The following RALGAPA2 variants were observed in gnomAD, a reference collection of about 807,000 sequenced individuals.
RALGAPA2 encodes Ral GTPase activating protein catalytic subunit alpha 2, also known as ral GTPase-activating protein subunit alpha-2.
A neutral mutation model predicts 230.4 loss-of-function variants in RALGAPA2; 139 were observed. That is an observed-to-expected ratio of 0.60 (90% CI 0.53 to 0.69). The LOEUF is 0.69. RALGAPA2 is among the 30% of genes least tolerant of loss of function. The pLI is 0.00. For missense variants in RALGAPA2, 2,163 were observed against 2,276.0 expected (o/e 0.95, Z 1.01); for synonymous variants, 847 against 837.8 (o/e 1.01, Z -0.19).
In RALGAPA2 at chr20:20,396,777, A is replaced by G. The variant is rs772370010; in HGVS notation, c.5618-43T>C. ...AAAATGGAATGAATACAAACACAAC[A>G]CCCCCACAGCTCCAACTTGATAACT... On this transcript the variant is annotated intron_variant, in intron 38 of 39. Transcript: ENST00000202677. 5 of 1,469,660 alleles carry G rather than the reference A, an allele frequency of 3.4e-6. No homozygotes were observed. The Admixed American group carries it at 8.5e-5, about 25-fold the overall frequency. The allele number at this position is 1,469,660 out of a possible 1,614,324, so 91.0% of individuals were successfully genotyped here. A position where few individuals can be genotyped will look rare whatever the true frequency, so the allele number is the denominator to read the frequency against.
chr20:20,698,442 T>C (rs892067778), intron 1 of RALGAPA2, among the ~76,000 whole-genome samples: 1 of 152,044 alleles, frequency 6.6e-6, no homozygotes, highest in African/African-American at 2.4e-5. Context: ...CAGACTGGAG[T>C]GTGGTGGCAC....
chr20:20,588,501 G>C (rs548693638), intron 18 of RALGAPA2, among the ~76,000 whole-genome samples: 3 of 152,210 alleles, frequency 2.0e-5, no homozygotes, highest in Non-Finnish European at 4.4e-5. Flanking sequence ...CTCTCTGAGG[G>C]GAGATAGCAG....
intron 37 of RALGAPA2, among the ~76,000 whole-genome samples, chr20:20,445,515 T>A (rs542028542): frequency 1.1e-4 from 16 of 152,284 alleles, no homozygotes; most frequent in East Asian, 3.9e-4. Context: ...CTAGTCCACA[T>A]CACTCAGAAA....
At chr20:20,664,522 G>A (rs146323918) in intron 3 of RALGAPA2, among the ~76,000 whole-genome samples, 1 of 152,244 alleles carries the variant, frequency 6.6e-6, no homozygotes, top group East Asian at 1.9e-4. Flanking sequence ...GATTCAAAAG[G>A]AGTCTTCTTC....
intron 37 of RALGAPA2, among the ~76,000 whole-genome samples, chr20:20,463,933 T>C (rs919920372): frequency 2.0e-5 from 3 of 152,198 alleles, no homozygotes; most frequent in African/African-American, 7.2e-5. Context: ...AAAATGTATT[T>C]GGGAACAACA....
At position 20,391,930 on chromosome 20, in the gene RALGAPA2, G is replaced by C. The variant is rs2059609806; in HGVS notation, c.*1359C>G. The stretch of plus-strand genomic sequence containing the variant: ...GTTGCTCTGTACCTGGCCGCTGTGA[G>C]AACAAAGCCTGCGCAGTGGCGATGG... On this transcript the variant is annotated 3_prime_UTR_variant, in exon 40 of 40. Transcript: ENST00000202677. 6.6e-6 allele frequency: 1 copy of C among 152,392 alleles called. No homozygotes were observed. The allele number at this position is 152,392 out of a possible 1,614,324, so 9.4% of individuals were successfully genotyped here.
intron 1 of RALGAPA2, among the ~76,000 whole-genome samples, chr20:20,702,388 A>G (rs1352750505): frequency 1.3e-5 from 2 of 152,168 alleles, no homozygotes; most frequent in African/African-American, 4.8e-5. Context: ...CAGGGAGAGG[A>G]TTTAGACCAC....
intron 11 of RALGAPA2, among the ~76,000 whole-genome samples, 169 bp downstream of exon 11, chr20:20,620,294 A>G (rs2066280747): frequency 6.6e-6 from 1 of 152,174 alleles, no homozygotes; most frequent in Admixed American, 6.5e-5. Context: ...GGAGTACAGA[A>G]GCTACTCTCC....
intron 4 of RALGAPA2, among the ~76,000 whole-genome samples, chr20:20,652,713 G>C (rs2067446769): frequency 6.6e-6 from 1 of 152,192 alleles, no homozygotes; most frequent in African/African-American, 2.4e-5. Context: ...CAGAATTCAC[G>C]ATTGATTTCC....
chr20:20,553,990 GCTTCAAGA>G (rs2064004300), intron 23 of RALGAPA2, among the ~76,000 whole-genome samples: 1 of 152,076 alleles, frequency 6.6e-6, no homozygotes, highest in Non-Finnish European at 1.5e-5. Context: ...CTTGGTAACA[GCTTCAAGA>G]TATATATTCA....
chr20:20,608,709 G>A (rs976396907), intron 14 of RALGAPA2, among the ~76,000 whole-genome samples: 21 of 152,294 alleles, frequency 1.4e-4, no homozygotes, highest in African/African-American at 4.8e-4. Flanking sequence ...AGAGAGCCTG[G>A]CTGGTAAGTC....
intron 37 of RALGAPA2, among the ~76,000 whole-genome samples, chr20:20,442,318 G>C (rs1193371182): frequency 6.6e-6 from 1 of 152,198 alleles, no homozygotes; most frequent in East Asian, 1.9e-4. Flanking sequence ...AGAGATACTT[G>C]GTGGGAATGT....
rs149813957 is a variant in RALGAPA2, at chr20:20,601,343, T to C, written c.2203+339A>G. Reference sequence around the variant, plus strand: ...GGTTGCCACACTCTAAAGATTAATATTGTTTAACACTGACAATAGTGCAAC... The same window carrying C: ...GGTTGCCACACTCTAAAGATTAATACTGTTTAACACTGACAATAGTGCAAC... On this transcript the variant is annotated intron_variant, in intron 16 of 39. Transcript: ENST00000202677. Among the ~76,000 whole-genome samples the C allele has an allele frequency of 2.7e-3, 411 of 152,332 alleles. 1 individual carries two copies. Among genetic ancestry groups the C allele is most frequent in the Non-Finnish European group, 4.1e-3 (281 of 68,030 alleles).
chr20:20,504,869 A>AATGTATAT (rs2062485476), intron 34 of RALGAPA2: 1 of 504,704 alleles, frequency 2.0e-6, no homozygotes, highest in Non-Finnish European at 2.6e-6. Context: ...TGTGTGTATA[A>AATGTATAT]ATGTATATAT....
At chr20:20,396,138 C>A (rs1362269168) in intron 39 of RALGAPA2, among the ~76,000 whole-genome samples, 2 of 152,214 alleles carry the variant, frequency 1.3e-5, no homozygotes, top group Non-Finnish European at 2.9e-5. Flanking sequence ...GCCAGCCTAT[C>A]CTCTGGGTCC....
chr20:20,638,729 A>G (rs1260748663), intron 7 of RALGAPA2, among the ~76,000 whole-genome samples: 1 of 152,178 alleles, frequency 6.6e-6, no homozygotes, highest in African/African-American at 2.4e-5. Flanking sequence ...TTAGAGTTCA[A>G]ATGTGGAGTT....
In RALGAPA2 at chr20:20,589,384, G is replaced by C; in HGVS notation, c.2342-19C>G. ...TTTTGACCTAGAAATGGTGGGGCAG[G>C]GGGGTAGCGGAAATAGAAGGAATGT... On this transcript the variant is annotated intron_variant, in intron 17 of 39. Transcript: ENST00000202677. 3 of 1,562,742 alleles carry C rather than the reference G, an allele frequency of 1.9e-6. No homozygotes were observed. The highest frequency in any genetic ancestry group is 2.3e-5 in the East Asian group (1 of 43,142).
intron 38 of RALGAPA2, among the ~76,000 whole-genome samples, chr20:20,406,206 C>T (rs989413661): frequency 1.3e-5 from 2 of 151,968 alleles, no homozygotes; most frequent in East Asian, 1.9e-4. Context: ...TCAGGTCACA[C>T]CCCAGACCAA....
At chr20:20,461,339 T>C (rs2061297894) in intron 37 of RALGAPA2, among the ~76,000 whole-genome samples, 1 of 152,260 alleles carries the variant, frequency 6.6e-6, no homozygotes, top group Non-Finnish European at 1.5e-5. Context: ...TTTTTACTGA[T>C]ATTCTTATTA....
Sources: gnomAD v4.1 joint callset for allele counts (sites outside exome capture counted in the v4.1 genomes callset) on GRCh38, gnomAD v4.1.1 for gene constraint, MANE v1.5 for transcripts, NCBI Gene and HGNC (gene_info 2026-07-23, HGNC 2026-07-21) for gene names.